Variants in ATP7B observed in about 807,000 individuals in gnomAD.
The protein encoded by ATP7B is ATPase copper transporting beta.
ATP7B carries 113 observed loss-of-function variants against 118.9 expected under a neutral mutation model. That is an observed-to-expected ratio of 0.95 (90% CI 0.82 to 1.11). The LOEUF (loss-of-function observed/expected upper bound fraction) is 1.11. ATP7B is among the 50% of genes most tolerant of loss of function. The pLI is 0.00. For missense variants in ATP7B, 1,867 were observed against 1,871.4 expected, an observed-to-expected ratio of 1.00 and a Z score of 0.04; for synonymous variants, 777 against 727.4, an observed-to-expected ratio of 1.07 and a Z score of -1.10.
At chr13:51,955,109 G>A (rs1265904570) in intron 9 of ATP7B, among the ~76,000 whole-genome samples, 2 of 152,186 alleles carry the variant, frequency 1.3e-5, no homozygotes, top group East Asian at 3.9e-4. Flanking sequence ...ATGGTCAGAG[G>A]AAGAAGCCCA....
chr13:51,971,463 T>C (rs1398251025), intron 2 of ATP7B, among the ~76,000 whole-genome samples: 1 of 152,232 alleles, frequency 6.6e-6, no homozygotes, highest in Admixed American at 6.5e-5. Flanking sequence ...TTCTTTTCTT[T>C]CTAGGTTTAT....
At chr13:51,964,721 A>T (rs1958973530) in intron 5 of ATP7B, 151 bp downstream of exon 5, 6 of 942,074 alleles carry the variant, frequency 6.4e-6, no homozygotes, top group Non-Finnish European at 9.3e-6. Flanking sequence ...CCTGCAGTTT[A>T]TTTTAAAATG....
intron 9 of ATP7B, among the ~76,000 whole-genome samples, chr13:51,952,380 G>A (rs932703688): frequency 6.6e-6 from 1 of 152,248 alleles, no homozygotes; most frequent in Non-Finnish European, 1.5e-5. Flanking sequence ...GCAGGGCTCT[G>A]AGGTTATTTT....
In ATP7B at chr13:51,972,422, C is replaced by T. The variant is rs560899208; in HGVS notation, c.1285+1513G>A. Among the ~76,000 whole-genome samples, 9 of 147,012 alleles carry T rather than the reference C, an allele frequency of 6.1e-5. No individual in the cohort carries two copies. In the East Asian group the frequency reaches 8.0e-4, roughly 13 times the overall value. ...GTCATCTTCCCACACTCTGCATTTC[C>T]GGCCCCACACTCTCCCTCAAAATTC... On this transcript the variant is annotated intron_variant, in intron 2 of 20. Transcript: ENST00000242839.
In ATP7B at chr13:51,935,176, C is replaced by A. The variant is rs1948150608; in HGVS notation, c.4125-147G>T. ...TTTCCAAGGAAAAGGACATTAAACTCCCTATGGTTCCAGGAAAGCTCACCT... is the reference window on the plus strand; with the variant it reads ...TTTCCAAGGAAAAGGACATTAAACTACCTATGGTTCCAGGAAAGCTCACCT... On this transcript the variant is annotated intron_variant, in intron 20 of 20. Transcript: ENST00000242839. 9.2e-6 allele frequency: 11 copies of A among 1,196,404 alleles called. No individual in the cohort carries two copies. The South Asian group carries it at 1.6e-4, about 17-fold the overall frequency. The allele number at this position is 1,196,404 out of a possible 1,614,324, so 74.1% of individuals were successfully genotyped here.
Position 51,949,732 on chromosome 13 carries a change from G to C in ATP7B, c.2795C>G (p.Ser932Ter), listed in dbSNP as rs1566498495. ...GYFVPFIIIM[S>*]TLTLVVWIVI... ...AATCCATACCACCAACGTCAAAGTT[G>C]ACATGATGATGATAAATGGGACAAA... Residue 932 changes from serine to a stop codon, truncating the protein, a stop_gained, in exon 12 of 21, where the codon TCA becomes TGA. Transcript: ENST00000242839. LOFTEE classifies it high-confidence loss of function. The C allele has an allele frequency of 1.2e-6, 2 of 1,614,044 alleles. No individual in the cohort carries two copies. Among genetic ancestry groups the C allele is most frequent in the South Asian group, 2.2e-5 (2 of 91,074 alleles).
chr13:52,006,097 C>G (rs755559736), intron 1 of ATP7B, among the ~76,000 whole-genome samples: 2 of 152,234 alleles, frequency 1.3e-5, no homozygotes, highest in Admixed American at 6.5e-5. Context: ...TTCGGCCCAT[C>G]CCTTCCTTTC....
chr13:51,935,637 T>G lies in ATP7B; in HGVS notation c.4080A>C (p.Ala1360=). Residue 1360 remains alanine (A), a synonymous_variant, in exon 20 of 21, where the codon GCA becomes GCC. Transcript: ENST00000242839. ...AGAGCACCACAGACACAGAGGAGGCTGCCATGGCCGCTGAGCCCATCCAGG... is the reference window on the plus strand; with the variant it reads ...AGAGCACCACAGACACAGAGGAGGCGGCCATGGCCGCTGAGCCCATCCAGG... ...LQPWMGSAAM[A]ASSVSVVLSS... 1 of 1,613,854 alleles carries G rather than the reference T, an allele frequency of 6.2e-7. No homozygotes were observed. The highest frequency in any genetic ancestry group is 8.5e-7 in the Non-Finnish European group (1 of 1,179,962).
chr13:51,945,988 C>A (rs1427365983), intron 13 of ATP7B, among the ~76,000 whole-genome samples: 1 of 152,162 alleles, frequency 6.6e-6, no homozygotes, highest in South Asian at 2.1e-4. Context: ...GGCGTTTGGT[C>A]AAGTTACCTA....
chr13:51,994,261 G>C (rs1265009547), intron 1 of ATP7B, among the ~76,000 whole-genome samples: 2 of 152,180 alleles, frequency 1.3e-5, no homozygotes, highest in African/African-American at 4.8e-5. Context: ...AGTTTAAAGA[G>C]ACATAAAATG....
At chr13:52,007,942 G>A (rs1420090081) in intron 1 of ATP7B, among the ~76,000 whole-genome samples, 6 of 152,056 alleles carry the variant, frequency 3.9e-5, no homozygotes, top group East Asian at 3.9e-4. Context: ...ATCCTTTCCA[G>A]GAACCACCTT....
At chr13:51,948,565 C>A (rs186777991) in intron 12 of ATP7B, among the ~76,000 whole-genome samples, 1 of 152,294 alleles carries the variant, frequency 6.6e-6, no homozygotes, top group East Asian at 1.9e-4. Flanking sequence ...AGGTTTCAAC[C>A]TCAGTGCTAC....
At chr13:51,962,579 C>A (rs1448028039) in intron 5 of ATP7B, among the ~76,000 whole-genome samples, 1 of 152,156 alleles carries the variant, frequency 6.6e-6, no homozygotes, top group Admixed American at 6.5e-5. Context: ...GGGACTTTTA[C>A]ACAAAAATTA....
At chr13:52,002,485 G>A (rs1057137978) in intron 1 of ATP7B, among the ~76,000 whole-genome samples, 1 of 136,916 alleles carries the variant, frequency 7.3e-6, no homozygotes, top group Non-Finnish European at 1.6e-5. Context: ...AGGATCACCT[G>A]AGCCCGAGGA....
At chr13:51,956,556 C>T (rs956813018) in intron 9 of ATP7B, among the ~76,000 whole-genome samples, 6 of 152,086 alleles carry the variant, frequency 3.9e-5, no homozygotes, top group South Asian at 2.1e-4. Flanking sequence ...CTCCCACCAA[C>T]GGGGCAGGAG....
chr13:51,982,205 CAAT>C (rs1952454804), intron 1 of ATP7B, among the ~76,000 whole-genome samples: 1 of 152,156 alleles, frequency 6.6e-6, no homozygotes, highest in African/African-American at 2.4e-5. Context: ...AAGATAACAA[CAAT>C]GATGAATTGA....
At chr13:51,968,292 C>T (rs991573899) in intron 4 of ATP7B, 152 bp downstream of exon 4, 8 of 1,168,772 alleles carry the variant, frequency 6.8e-6, no homozygotes, top group South Asian at 1.3e-5. Context: ...TCATTGTTGT[C>T]GGCTTCAAAG....
Position 51,960,210 on chromosome 13 carries a change from T to C in ATP7B, c.2059A>G (p.Asn687Asp). 1.9e-6 allele frequency: 3 copies of C among 1,613,902 alleles called. No homozygotes were observed. Among genetic ancestry groups the C allele is most frequent in the Non-Finnish European group, 2.5e-6 (3 of 1,179,782 alleles). The change falls in exon 7 of 21, where the codon AAC becomes GAC. Residue 687 changes from asparagine to aspartate, a missense_variant. Coordinates refer to ENST00000242839, the MANE Select transcript of ATP7B (RefSeq NM_000053.4). ...AGAATGGACAGTCCTGGAATGATGT[T>C]GTGGTCCAGGACCATGGACTGGTGG... ...EPHQSMVLDHNIIPGLSILNL... is the reference protein window; with the variant it reads ...EPHQSMVLDHDIIPGLSILNL...
intron 1 of ATP7B, among the ~76,000 whole-genome samples, chr13:51,977,678 T>C (rs1422051444): frequency 1.3e-5 from 2 of 152,238 alleles, no homozygotes; most frequent in African/African-American, 4.8e-5. Flanking sequence ...TTATCGAGTA[T>C]TATGTACTGT....
Sources: allele counts gnomAD v4.1 joint callset (sites outside exome capture counted in the v4.1 genomes callset), GRCh38; gene constraint gnomAD v4.1.1; transcripts MANE v1.5; gene names NCBI Gene and HGNC (gene_info 2026-07-23, HGNC 2026-07-21).